The following FUT9 variants were observed in gnomAD, a reference collection of about 807,000 sequenced individuals.
FUT9 encodes fucosyltransferase 9.
A neutral mutation model predicts 29.7 loss-of-function variants in FUT9; 15 were observed. That is an observed-to-expected ratio of 0.51 (90% CI 0.34 to 0.78). The LOEUF (loss-of-function observed/expected upper bound fraction) is 0.78. Ranked by LOEUF, FUT9 falls within the 30% of genes least tolerant of loss-of-function variation. The pLI, the probability that FUT9 is intolerant of heterozygous loss-of-function variation, is 0.01. For synonymous variants in FUT9, 169 were observed against 153.7 expected (o/e 1.10, Z -0.74); for missense variants, 319 against 425.4 (o/e 0.75, Z 2.20).
intron 1 of FUT9, among the ~76,000 whole-genome samples, chr6:96,039,078 A>G (rs772933505): frequency 6.6e-6 from 1 of 152,116 alleles, no homozygotes; most frequent in Non-Finnish European, 1.5e-5. Flanking sequence ...TTCTTTCTGC[A>G]TTGAATAATC....
intron 1 of FUT9, among the ~76,000 whole-genome samples, chr6:96,022,308 G>A (rs1770083206): frequency 1.3e-5 from 2 of 152,020 alleles, no homozygotes; most frequent in South Asian, 2.1e-4. Flanking sequence ...TCCTTGTTTT[G>A]AAGAGGCTGC....
intron 1 of FUT9, among the ~76,000 whole-genome samples, chr6:96,060,301 C>G (rs537838405): frequency 6.6e-6 from 1 of 152,078 alleles, no homozygotes; most frequent in African/African-American, 2.4e-5. Context: ...AAATTCATTT[C>G]GAGTACCAAA....
chr6:96,181,103 GA>G (rs2127985917), intron 2 of FUT9, among the ~76,000 whole-genome samples: 1 of 152,134 alleles, frequency 6.6e-6, no homozygotes, highest in African/African-American at 2.4e-5. Flanking sequence ...TTAATTCTGT[GA>G]GTTGAAGTAT....
At chr6:96,104,078 C>T (rs1041527759) in intron 1 of FUT9, among the ~76,000 whole-genome samples, 2 of 152,186 alleles carry the variant, frequency 1.3e-5, no homozygotes, top group Non-Finnish European at 2.9e-5. Flanking sequence ...CAGAATAACA[C>T]TGCCTTTCTA....
intron 2 of FUT9, among the ~76,000 whole-genome samples, chr6:96,157,248 A>T (rs1772802964): frequency 6.6e-6 from 1 of 152,212 alleles, no homozygotes; most frequent in Non-Finnish European, 1.5e-5. Flanking sequence ...CGAGTGTGAC[A>T]ATTCTGCCCA....
At chr6:96,151,603 CGTT>C (rs1174977453) in intron 2 of FUT9, among the ~76,000 whole-genome samples, 1 of 152,124 alleles carries the variant, frequency 6.6e-6, no homozygotes, top group Admixed American at 6.6e-5. Flanking sequence ...TGGAAGGAAT[CGTT>C]GTTCCAAAGT....
chr6:96,049,882 G>T (rs530055699), intron 1 of FUT9, among the ~76,000 whole-genome samples: 32 of 152,288 alleles, frequency 2.1e-4, no homozygotes, highest in African/African-American at 7.2e-4. Flanking sequence ...TAGTTACTAT[G>T]TGTCAGGCAG....
intron 1 of FUT9, among the ~76,000 whole-genome samples, chr6:96,028,438 A>G (rs1770205069): frequency 6.6e-6 from 1 of 151,640 alleles, no homozygotes; most frequent in South Asian, 2.1e-4. Flanking sequence ...AAGACTTAAT[A>G]TCAACTATTT....
intron 2 of FUT9, among the ~76,000 whole-genome samples, chr6:96,120,519 G>A (rs535935051): frequency 6.1e-5 from 9 of 146,842 alleles, no homozygotes; most frequent in African/African-American, 1.5e-4. Flanking sequence ...TCCTGACCTC[G>A]TGATCCGCCC....
rs1330462425 is a variant in FUT9, at chr6:96,210,661, A to C, written c.*6426A>C. On this transcript the variant is annotated 3_prime_UTR_variant, in exon 3 of 3. Transcript: ENST00000302103. ...CTGCATGTTTATATTTTGCAACAGG[A>C]AAGACTGGTCTAGACAATTACTAGG... The C allele has an allele frequency of 6.0e-6, 1 of 166,938 alleles. No individual in the cohort carries two copies. The highest frequency in any genetic ancestry group is 1.5e-5 in the Non-Finnish European group (1 of 68,046). The allele number at this position is 166,938 out of a possible 1,614,324, so 10.3% of individuals were successfully genotyped here.
chr6:96,126,061 AC>A (rs1183023961), intron 2 of FUT9, among the ~76,000 whole-genome samples: 1 of 151,784 alleles, frequency 6.6e-6, no homozygotes, highest in Non-Finnish European at 1.5e-5. Context: ...CTCCTCTTCT[AC>A]CCCCAATAGT....
At chr6:96,135,439 C>A (rs1205921226) in intron 2 of FUT9, among the ~76,000 whole-genome samples, 2 of 151,878 alleles carry the variant, frequency 1.3e-5, no homozygotes, top group Non-Finnish European at 2.9e-5. Context: ...GAAGGAATGG[C>A]AAGGTTTGCA....
intron 1 of FUT9, among the ~76,000 whole-genome samples, chr6:96,081,044 C>T (rs1333815592): frequency 6.6e-6 from 1 of 151,906 alleles, no homozygotes; most frequent in Non-Finnish European, 1.5e-5. Flanking sequence ...TGTTTGAAAT[C>T]TGTCTATTCT....
rs1457082598 is a variant in FUT9, at chr6:96,209,611, T to C, written c.*5376T>C. ...GGAAATACCTGAGGCAATCCCAGGC[T>C]AACAATAAAATAGCATAATTTTAAG... On this transcript the variant is annotated 3_prime_UTR_variant, in exon 3 of 3. Transcript: ENST00000302103. 6.0e-6 allele frequency: 1 copy of C among 166,950 alleles called. No individual in the cohort carries two copies. The highest frequency in any genetic ancestry group is 1.5e-5 in the Non-Finnish European group (1 of 68,050). 10.3% of individuals were successfully genotyped at this position (166,950 alleles called of 1,614,324 possible).
intron 1 of FUT9, among the ~76,000 whole-genome samples, chr6:96,086,740 C>T (rs1771322668): frequency 6.6e-6 from 1 of 152,090 alleles, no homozygotes. Flanking sequence ...TGTGTGTAAT[C>T]CTTAATCTTA....
Position 96,206,574 on chromosome 6 carries a change from T to G in FUT9, c.*2339T>G, listed in dbSNP as rs1773834210. 6.0e-6 allele frequency: 1 copy of G among 166,080 alleles called. No individual in the cohort carries two copies. Among genetic ancestry groups the G allele is most frequent in the Admixed American group, 6.5e-5 (1 of 15,272 alleles). The allele number at this position is 166,080 out of a possible 1,614,324, so 10.3% of individuals were successfully genotyped here. A position where few individuals can be genotyped will look rare whatever the true frequency, so the allele number is the denominator to read the frequency against. On this transcript the variant is annotated 3_prime_UTR_variant, in exon 3 of 3. Coordinates refer to ENST00000302103, the MANE Select transcript of FUT9 (RefSeq NM_006581.4). The stretch of plus-strand genomic sequence containing the variant: ...GCCTCCCAGGTTCAAGTGATTCTCC[T>G]GTATCAGCCTCCCGAGTAGCTAGGA...
chr6:96,130,979 T>A (rs960263353), intron 2 of FUT9, among the ~76,000 whole-genome samples: 3 of 152,168 alleles, frequency 2.0e-5, no homozygotes, highest in African/African-American at 7.2e-5. Context: ...TCGTCCCTGC[T>A]TATAAGACGG....
At chr6:96,136,915 G>C (rs1772358578) in intron 2 of FUT9, among the ~76,000 whole-genome samples, 2 of 151,880 alleles carry the variant, frequency 1.3e-5, no homozygotes, top group Non-Finnish European at 2.9e-5. Flanking sequence ...AATGACTTAT[G>C]AATCAGACTT....
At position 96,070,415 on chromosome 6, in the gene FUT9, T is replaced by C. The variant is rs886224544; in HGVS notation, c.-97-43624T>C. On this transcript the variant is annotated intron_variant, in intron 1 of 2. Transcript: ENST00000302103. ...TGTAATACTATACAAGCCTTAAAATTGTAATTATGCCTGTAATTCCAGCAC... is the reference window on the plus strand; with the variant it reads ...TGTAATACTATACAAGCCTTAAAATCGTAATTATGCCTGTAATTCCAGCAC... Among the ~76,000 whole-genome samples, 86 of 152,138 alleles carry C rather than the reference T, an allele frequency of 5.7e-4. 2 individuals are homozygous for C.
Sources: allele counts gnomAD v4.1 joint callset (sites outside exome capture counted in the v4.1 genomes callset), GRCh38; gene constraint gnomAD v4.1.1; transcripts MANE v1.5; gene names NCBI Gene and HGNC (gene_info 2026-07-23, HGNC 2026-07-21).